IPO5: variants seen among roughly 807,000 people sequenced by gnomAD.
IPO5 encodes the protein importin 5.
IPO5 carries 18 observed loss-of-function variants against 143.3 expected under a neutral mutation model. That is an observed-to-expected ratio of 0.13 (90% CI 0.09 to 0.19). The LOEUF (loss-of-function observed/expected upper bound fraction) is 0.19, where lower values mean the gene tolerates loss of function less well. Among genes scored for constraint, IPO5 ranks in the 10% least tolerant of loss-of-function variants. The probability of loss-of-function intolerance (pLI) is 1.00; values close to 1 mark genes in which losing one functional copy is unlikely to be tolerated. For missense variants in IPO5, 1,013 were observed against 1,336.9 expected (o/e 0.76, Z 3.78); for synonymous variants, 477 against 465.7 (o/e 1.02, Z -0.31).
intron 2 of IPO5, among the ~76,000 whole-genome samples, chr13:97,965,267 T>G (rs1885230926): frequency 6.6e-6 from 1 of 152,038 alleles, no homozygotes; most frequent in Non-Finnish European, 1.5e-5. Context: ...AGATGATGGG[T>G]TGGTAGGTGC....
chr13:97,998,643 C>A (rs949207361), intron 12 of IPO5, among the ~76,000 whole-genome samples: 1 of 152,156 alleles, frequency 6.6e-6, no homozygotes, highest in African/African-American at 2.4e-5. Context: ...TGGCCCCTTA[C>A]ATGTATGTGA....
At chr13:98,011,645 T>TA (rs1030272626) in intron 20 of IPO5, among the ~76,000 whole-genome samples, 1 of 151,802 alleles carries the variant, frequency 6.6e-6, no homozygotes, top group Non-Finnish European at 1.5e-5. Context: ...TACCTGGCAT[T>TA]ACAGGTGCCC....
At chr13:97,953,829 A>G in intron 1 of IPO5, 113 bp downstream of exon 1, 1 of 437,682 alleles carries the variant, frequency 2.3e-6, no homozygotes, top group Non-Finnish European at 4.6e-6. Flanking sequence ...GAGATCCAGG[A>G]GGTCCCTTTA....
At chr13:97,965,323 G>A (rs946520794) in intron 2 of IPO5, among the ~76,000 whole-genome samples, 10 of 151,984 alleles carry the variant, frequency 6.6e-5, no homozygotes, top group Non-Finnish European at 2.9e-5. Flanking sequence ...AAACCTGCAC[G>A]TTCTGCACAT....
rs745733820 is a variant in IPO5, at chr13:97,993,142, A to G, written c.830A>G (p.Gln277Arg). 4.3e-6 allele frequency: 7 copies of G among 1,614,028 alleles called. No homozygotes were observed. Among genetic ancestry groups the G allele is most frequent in the Non-Finnish European group, 5.9e-6 (7 of 1,179,876 alleles). The change falls in exon 11 of 29, where the codon CAG (glutamine) becomes CGG (arginine). Residue 277 changes from glutamine (Q) to arginine (R), a missense_variant. Gln to Arg is a conservative substitution (Grantham distance 43, BLOSUM62 1). This residue lies in a region of IPO5 where 328 missense variants were observed against 342.0 expected (regional missense o/e 0.96). Transcript: ENST00000651721. ...ACTAGCCTCAACAATATGCAACGCC[A>G]GCTTGCCCTTGAAGTGATCGTCACC... ...GDTSLNNMQRQLALEVIVTLS... is the reference protein window; with the variant it reads ...GDTSLNNMQRRLALEVIVTLS...
At chr13:97,985,646 AC>A in intron 6 of IPO5, 33 bp downstream of exon 6, 5 of 1,463,110 alleles carry the variant, frequency 3.4e-6, no homozygotes, top group Non-Finnish European at 4.8e-6. Flanking sequence ...GTTACCAAGA[AC>A]ATGGGTATAT....
chr13:97,994,353 T>C (rs777481549), intron 11 of IPO5, among the ~76,000 whole-genome samples: 1 of 152,150 alleles, frequency 6.6e-6, no homozygotes, highest in Non-Finnish European at 1.5e-5. Context: ...TTGTAGGCTA[T>C]GTGGTTATTG....
intron 2 of IPO5, among the ~76,000 whole-genome samples, chr13:97,964,852 A>G (rs528283244): frequency 6.6e-6 from 1 of 152,246 alleles, no homozygotes; most frequent in South Asian, 2.1e-4. Flanking sequence ...TATATACCCA[A>G]AGGATTATAA....
chr13:98,016,827 G>A lies in IPO5; in HGVS notation c.2592G>A (p.Leu864=), dbSNP rs1490516159. The change falls in exon 25 of 29, where the codon CTG becomes CTA. Residue 864 remains leucine (L), a synonymous_variant. Transcript: ENST00000651721. ...AGGTGTTACCATGGTTTGAACAGCTGCTTCCATTAATTGTCAACCTCATTG... is the reference window on the plus strand; with the variant it reads ...AGGTGTTACCATGGTTTGAACAGCTACTTCCATTAATTGTCAACCTCATTG... ...KEKVLPWFEQ[L]LPLIVNLICP... 1.9e-6 allele frequency: 3 copies of A among 1,570,340 alleles called. No homozygotes were observed. In the South Asian group the frequency reaches 3.6e-5, roughly 19 times the overall value.
intron 2 of IPO5, among the ~76,000 whole-genome samples, chr13:97,967,402 C>T (rs929634437): frequency 2.0e-5 from 3 of 151,156 alleles, no homozygotes; most frequent in African/African-American, 7.3e-5. Context: ...TCCTTTTAGT[C>T]TTCTTTCTCT....
intron 11 of IPO5, among the ~76,000 whole-genome samples, chr13:97,993,864 C>G (rs1408916639): frequency 1.3e-5 from 2 of 152,166 alleles, no homozygotes; most frequent in Non-Finnish European, 2.9e-5. Context: ...GTAGTGGTAC[C>G]TACCTTTTGT....
intron 4 of IPO5, among the ~76,000 whole-genome samples, chr13:97,977,296 C>T (rs1487360756): frequency 1.3e-5 from 2 of 152,206 alleles, no homozygotes; most frequent in Admixed American, 6.5e-5. Context: ...TAAATATGTG[C>T]CCTGCCTTGT....
intron 6 of IPO5, among the ~76,000 whole-genome samples, chr13:97,985,974 C>T (rs566871450): frequency 2.6e-5 from 4 of 152,060 alleles, no homozygotes; most frequent in South Asian, 2.1e-4. Flanking sequence ...AATTAGTGGG[C>T]GTGATGGTGT....
intron 11 of IPO5, among the ~76,000 whole-genome samples, chr13:97,996,167 A>C (rs1377071535): frequency 3.9e-5 from 6 of 152,080 alleles, no homozygotes; most frequent in African/African-American, 1.4e-4. Flanking sequence ...AGCTCACTGC[A>C]GCCTCCCAAG....
chr13:98,002,342 C>T, intron 13 of IPO5, 125 bp from the exon 14 acceptor site: 3 of 827,722 alleles, frequency 3.6e-6, no homozygotes, highest in Admixed American at 2.7e-5. Flanking sequence ...ATTATATATA[C>T]ATATACCCTT....
intron 25 of IPO5, among the ~76,000 whole-genome samples, chr13:98,017,449 G>A (rs1182689368): frequency 6.6e-6 from 1 of 151,592 alleles, no homozygotes; most frequent in African/African-American, 2.4e-5. Flanking sequence ...TCAGACGCAC[G>A]CCACCACACC....
chr13:98,010,780 C>CGTTTT (rs1889639079), intron 20 of IPO5, among the ~76,000 whole-genome samples: 1 of 70,032 alleles, frequency 1.4e-5, no homozygotes, highest in African/African-American at 9.5e-5. Flanking sequence ...AAGGATAATC[C>CGTTTT]TTTTTTTTTT....
intron 20 of IPO5, among the ~76,000 whole-genome samples, chr13:98,011,449 C>T (rs977689195): frequency 1.3e-5 from 2 of 152,072 alleles, no homozygotes; most frequent in African/African-American, 4.8e-5. Context: ...CGCCACCATG[C>T]CTGGCTAATT....
chr13:98,010,900 C>T (rs1446212208), intron 20 of IPO5, among the ~76,000 whole-genome samples: 1 of 148,624 alleles, frequency 6.7e-6, no homozygotes, highest in Non-Finnish European at 1.5e-5. Context: ...CCTGCCTCAG[C>T]CTCCCGAGTA....
Sources: allele counts gnomAD v4.1 joint callset (sites outside exome capture counted in the v4.1 genomes callset), GRCh38; gene constraint gnomAD v4.1.1; regional missense constraint gnomAD v4.1.1; transcripts MANE v1.5; gene names NCBI Gene and HGNC (gene_info 2026-07-23, HGNC 2026-07-21).